Variants in ADARB2 observed in about 807,000 individuals in gnomAD.
The protein encoded by ADARB2 is inactive double-stranded RNA-specific editase B2.
A neutral mutation model predicts 62.2 loss-of-function variants in ADARB2; 25 were observed. That is an observed-to-expected ratio of 0.40 (90% confidence interval 0.29 to 0.56). The LOEUF (loss-of-function observed/expected upper bound fraction) is 0.56. Among genes scored for constraint, ADARB2 ranks in the 20% least tolerant of loss-of-function variants. The pLI, the probability that ADARB2 is intolerant of heterozygous loss-of-function variation, is 0.43. For missense variants in ADARB2, 1,071 were observed against 1,077.4 expected, an observed-to-expected ratio of 0.99 and a Z score of 0.08; for synonymous variants, 572 against 500.8, an observed-to-expected ratio of 1.14 and a Z score of -1.90.
chr10:1,599,056 C>T (rs78811300), intron 1 of ADARB2, among the ~76,000 whole-genome samples: 4,377 of 152,308 alleles, frequency 0.029, 206 homozygotes, highest in African/African-American at 0.1. Context: ...GCCATGTTAA[C>T]GGGAGGACTC....
chr10:1,517,916 G>T (rs916753323), intron 1 of ADARB2, among the ~76,000 whole-genome samples: 1 of 152,146 alleles, frequency 6.6e-6, no homozygotes, highest in African/African-American at 2.4e-5. Context: ...CAGCCCCAAA[G>T]CACGGGACAG....
chr10:1,194,046 A>C (rs1836875434), intron 8 of ADARB2, among the ~76,000 whole-genome samples: 1 of 152,126 alleles, frequency 6.6e-6, no homozygotes, highest in African/African-American at 2.4e-5. Context: ...AACTCTTATT[A>C]CATGCATTCA....
Sources: allele counts gnomAD v4.1 joint callset (sites outside exome capture counted in the v4.1 genomes callset), GRCh38; gene constraint gnomAD v4.1.1; transcripts MANE v1.5; gene names NCBI Gene and HGNC (gene_info 2026-07-23, HGNC 2026-07-21).